The following FBXO31 variants were observed in gnomAD, a reference collection of about 807,000 sequenced individuals.
The protein encoded by FBXO31 is F-box only protein 31.
In FBXO31, 24 loss-of-function variants were observed where a neutral mutation model predicts 54.4. That is an observed-to-expected ratio of 0.44 (90% confidence interval 0.32 to 0.62). The LOEUF (loss-of-function observed/expected upper bound fraction) is 0.62, where lower values mean the gene tolerates loss of function less well. FBXO31 is among the 20% of genes least tolerant of loss of function. FBXO31 has a pLI of 0.05. For synonymous variants in FBXO31, 388 were observed against 335.6 expected, an observed-to-expected ratio of 1.16 and a Z score of -1.71; for missense variants, 665 against 787.1, an observed-to-expected ratio of 0.84 and a Z score of 1.86.
At chr16:87,343,072 G>A (rs758930135) in intron 4 of FBXO31, 121 bp from the exon 5 acceptor site, 48 of 783,042 alleles carry the variant, frequency 6.1e-5, no homozygotes, top group Non-Finnish European at 9.1e-5. Context: ...CCCACTGCAG[G>A]CACCCAAGAT....
chr16:87,371,383 G>A (rs550565720), intron 1 of FBXO31, among the ~76,000 whole-genome samples: 24 of 152,252 alleles, frequency 1.6e-4, no homozygotes, highest in African/African-American at 4.8e-4. Context: ...GGTCATCCCC[G>A]ATACCACTCC....
chr16:87,370,000 T>C (rs531103058), intron 1 of FBXO31, among the ~76,000 whole-genome samples: 2 of 152,254 alleles, frequency 1.3e-5, no homozygotes, highest in South Asian at 2.1e-4. Flanking sequence ...GCCACCAACC[T>C]CTGCACACCA....
intron 5 of FBXO31, among the ~76,000 whole-genome samples, chr16:87,342,384 A>T (rs1176708576): frequency 6.6e-6 from 1 of 152,178 alleles, no homozygotes; most frequent in Non-Finnish European, 1.5e-5. Flanking sequence ...GGGCAGTAAG[A>T]CTTAGATCCT....
At chr16:87,355,543 C>T in intron 2 of FBXO31, among the ~76,000 whole-genome samples, 1 of 152,320 alleles carries the variant, frequency 6.6e-6, no homozygotes, top group Middle Eastern at 3.4e-3. Flanking sequence ...GAAATGCAAC[C>T]AATGTTTAAC....
chr16:87,355,305 A>T (rs1013780446), intron 2 of FBXO31, among the ~76,000 whole-genome samples: 1 of 152,226 alleles, frequency 6.6e-6, no homozygotes, highest in Non-Finnish European at 1.5e-5. Context: ...CACGGCCCCA[A>T]AATACTCAGA....
intron 3 of FBXO31, 32 bp from the exon 4 acceptor site, chr16:87,343,797 T>C (rs775221347): frequency 2.5e-6 from 4 of 1,612,304 alleles, no homozygotes; most frequent in Non-Finnish European, 3.4e-6. Flanking sequence ...GGTCCATGAG[T>C]GGCTCCCGGG....
chr16:87,390,332 C>T (rs1907482418), upstream of FBXO31, among the ~76,000 whole-genome samples: 1 of 152,114 alleles, frequency 6.6e-6, no homozygotes, highest in African/African-American at 2.4e-5. Context: ...CTACAACTAA[C>T]GTCATTCTTC....
intron 5 of FBXO31, among the ~76,000 whole-genome samples, chr16:87,342,665 G>A (rs1034582303): frequency 6.6e-6 from 1 of 152,206 alleles, no homozygotes; most frequent in Non-Finnish European, 1.5e-5. Context: ...GTTCTGCAGG[G>A]GGAGGGGACC....
In FBXO31 at chr16:87,357,423, G is replaced by A. The variant is rs577192244; in HGVS notation, c.412+2872C>T. Among the ~76,000 whole-genome samples the A allele has an allele frequency of 2.7e-4, 40 of 148,682 alleles. 1 individual carries two copies. Among genetic ancestry groups the A allele is most frequent in the Non-Finnish European group, 4.3e-4 (29 of 67,534 alleles). On this transcript the variant is annotated intron_variant, in intron 2 of 8. Transcript: ENST00000311635. The stretch of plus-strand genomic sequence containing the variant: ...CGGCTCACTGCAACCTTCACCTCCC[G>A]GGTTCAAGCGATTCCCCCACCTCAG...
intron 1 of FBXO31, among the ~76,000 whole-genome samples, chr16:87,370,660 G>C (rs1201525403): frequency 6.6e-6 from 1 of 152,196 alleles, no homozygotes; most frequent in Admixed American, 6.5e-5. Flanking sequence ...GAGACAGGCA[G>C]AGGCAGCCAC....
chr16:87,356,137 G>A (rs1440286791), intron 2 of FBXO31, among the ~76,000 whole-genome samples: 2 of 151,354 alleles, frequency 1.3e-5, no homozygotes, highest in Non-Finnish European at 1.5e-5. Flanking sequence ...GCTGAGGCAC[G>A]AGAACTGCTT....
chr16:87,342,051 A>G (rs1905212522), intron 5 of FBXO31, among the ~76,000 whole-genome samples: 3 of 152,084 alleles, frequency 2.0e-5, no homozygotes, highest in African/African-American at 4.8e-5. Flanking sequence ...GTAGCATGGT[A>G]GCATGCCTGG....
Position 87,331,206 on chromosome 16 carries a change from C to T in FBXO31, c.*82G>A. 7.0e-7 allele frequency: 1 copy of T among 1,434,048 alleles called. No individual in the cohort carries two copies. Among genetic ancestry groups the T allele is most frequent in the Non-Finnish European group, 9.7e-7 (1 of 1,035,116 alleles). The allele number at this position is 1,434,048 out of a possible 1,614,324, so 88.8% of individuals were successfully genotyped here. On this transcript the variant is annotated 3_prime_UTR_variant, in exon 9 of 9. Transcript: ENST00000311635. ...CGTTCTGGTCAAAAGGCCGGATTTC[C>T]AAAGTGCATGCTGCTTCTATTCACA... is the stretch of plus-strand genomic sequence containing the variant.
At chr16:87,353,811 C>T (rs1905773309) in intron 2 of FBXO31, among the ~76,000 whole-genome samples, 1 of 152,212 alleles carries the variant, frequency 6.6e-6, no homozygotes, top group Non-Finnish European at 1.5e-5. Context: ...GAGCAGGGCC[C>T]CGGACACCTT....
At chr16:87,372,392 G>A (rs1401527847) in intron 1 of FBXO31, among the ~76,000 whole-genome samples, 1 of 152,156 alleles carries the variant, frequency 6.6e-6, no homozygotes, top group Non-Finnish European at 1.5e-5. Context: ...TTTCCCCACA[G>A]TGCTGAGACC....
Position 87,331,107 on chromosome 16 carries a change from A to G in FBXO31, c.*181T>C. 1.7e-6 allele frequency: 1 copy of G among 601,908 alleles called. No individual in the cohort carries two copies. 37.3% of individuals were successfully genotyped at this position (601,908 alleles called of 1,614,324 possible). A position where few individuals can be genotyped will look rare whatever the true frequency, so the allele number is the denominator to read the frequency against. On this transcript the variant is annotated 3_prime_UTR_variant, in exon 9 of 9. Transcript: ENST00000311635. ...GCTTCTTCCATCATGGCACTGACAA[A>G]TATGCAGGTCTATGTCACACTCTCT...
Position 87,370,964 on chromosome 16 carries a change from C to T in FBXO31, c.341-10598G>A, listed in dbSNP as rs191619183. ...CTGGCGGTGGCAGGGGGGACATGCC[C>T]CCGGGCTCCAAGAACAGCGCCCCAA... is the stretch of plus-strand genomic sequence containing the variant. On this transcript the variant is annotated intron_variant, in intron 1 of 8. Coordinates refer to ENST00000311635, the MANE Select transcript of FBXO31 (RefSeq NM_024735.5). 3.5e-3 allele frequency among the ~76,000 whole-genome samples: 535 copies of T among 152,246 alleles called. 4 individuals are homozygous for T. The highest frequency in any genetic ancestry group is 0.019 in the South Asian group (91 of 4,830).
At chr16:87,375,711 T>C (rs1906793530) in intron 1 of FBXO31, among the ~76,000 whole-genome samples, 1 of 151,952 alleles carries the variant, frequency 6.6e-6, no homozygotes, top group Admixed American at 6.6e-5. Flanking sequence ...CAAAGAAGGG[T>C]CCCACACCCA....
At position 87,329,102 on chromosome 16, in the gene FBXO31, A is replaced by G. The variant is rs1254361934; in HGVS notation, c.*2186T>C. 1 of 152,282 alleles carries G rather than the reference A, an allele frequency of 6.6e-6. No homozygotes were observed. The highest frequency in any genetic ancestry group is 1.9e-4 in the East Asian group (1 of 5,198). 9.4% of individuals were successfully genotyped at this position (152,282 alleles called of 1,614,324 possible). On this transcript the variant is annotated 3_prime_UTR_variant, in exon 9 of 9. Transcript: ENST00000311635. The stretch of plus-strand genomic sequence containing the variant: ...ACTGGCTAAGGACACATCGGAGCGG[A>G]AAAAACAAGACCTGTAGTCACGACT...
Sources: allele counts gnomAD v4.1 joint callset (sites outside exome capture counted in the v4.1 genomes callset), GRCh38; gene constraint gnomAD v4.1.1; transcripts MANE v1.5; gene names NCBI Gene and HGNC (gene_info 2026-07-23, HGNC 2026-07-21).